LRCH1: variants seen among roughly 807,000 people sequenced by gnomAD.
The protein encoded by LRCH1 is leucine-rich repeat and calponin homology domain-containing protein 1.
Under a neutral mutation model 94.9 loss-of-function variants are expected in LRCH1, and 23 were observed. The observed-to-expected ratio is 0.24, with a 90% CI of 0.17 to 0.34. LRCH1 has a LOEUF of 0.34. Among genes scored for constraint, LRCH1 ranks in the 10% least tolerant of loss-of-function variants. The pLI, the probability that LRCH1 is intolerant of heterozygous loss-of-function variation, is 1.00. For missense variants in LRCH1, 790 were observed against 945.9 expected (o/e 0.84, Z 2.16); for synonymous variants, 364 against 354.9 (o/e 1.03, Z -0.29).
At chr13:46,650,386 A>G in intron 2 of LRCH1, 41 bp downstream of exon 2, 1 of 1,517,352 alleles carries the variant, frequency 6.6e-7, no homozygotes, top group Non-Finnish European at 8.9e-7. Context: ...TCAGTGAAAG[A>G]AATAAAAAAC....
downstream of LRCH1, among the ~76,000 whole-genome samples, chr13:46,745,775 C>G (rs1218092139): frequency 6.6e-6 from 1 of 152,156 alleles, no homozygotes; most frequent in Non-Finnish European, 1.5e-5. Context: ...ATGAAATATG[C>G]TGGTGGGATG....
At chr13:46,635,467 CTTT>C (rs35362550) in intron 1 of LRCH1, among the ~76,000 whole-genome samples, 9 of 96,626 alleles carry the variant, frequency 9.3e-5, no homozygotes, top group African/African-American at 3.0e-4. Context: ...CCCCTCCCAC[CTTT>C]TTTTTTTTTT....
chr13:46,574,321 C>A (rs1011164662), intron 1 of LRCH1, among the ~76,000 whole-genome samples: 2 of 151,756 alleles, frequency 1.3e-5, no homozygotes, highest in African/African-American at 2.4e-5. Flanking sequence ...AATATATATA[C>A]CTACTATGTA....
chr13:46,588,600 T>C (rs1452326509), intron 1 of LRCH1, among the ~76,000 whole-genome samples: 3 of 13,752 alleles, frequency 2.2e-4, no homozygotes, highest in African/African-American at 4.5e-4. Context: ...CTCTGTCTTT[T>C]TTTTTTTTTT....
chr13:46,686,088 A>T (rs1870598987), intron 5 of LRCH1, 47 bp downstream of exon 5: 1 of 1,410,238 alleles, frequency 7.1e-7, no homozygotes, highest in Admixed American at 2.8e-5. Context: ...ATGTGCTGTT[A>T]TAGGAGCCAA....
Position 46,731,451 on chromosome 13 carries a change from G to A in LRCH1, c.2007+2467G>A, listed in dbSNP as rs527942647. Among the ~76,000 whole-genome samples the A allele has an allele frequency of 2.6e-5, 4 of 152,086 alleles. No homozygotes were observed. In the South Asian group the frequency reaches 8.3e-4, roughly 32 times the overall value. ...TCACCATGTTGGCCAGGCTGGTCTC[G>A]AACTCCTGATCTCAAGTAATCTGCC... On this transcript the variant is annotated intron_variant, in intron 18 of 19. Transcript: ENST00000389797.
chr13:46,558,147 G>A (rs147833895), intron 1 of LRCH1, among the ~76,000 whole-genome samples: 69 of 152,306 alleles, frequency 4.5e-4, no homozygotes, highest in Admixed American at 1.0e-3. Flanking sequence ...ATGTGTGAGG[G>A]AAGAGTTCTG....
intron 1 of LRCH1, among the ~76,000 whole-genome samples, chr13:46,558,460 G>A (rs1258561311): frequency 6.6e-6 from 1 of 151,266 alleles, no homozygotes; most frequent in East Asian, 1.9e-4. Context: ...AGTTGGCCGG[G>A]TGTGGTGACT....
chr13:46,742,995 A>C lies in LRCH1; in HGVS notation c.*1147A>C. 1.0e-6 allele frequency: 1 copy of C among 985,160 alleles called. No individual in the cohort carries two copies. 61.0% of individuals were successfully genotyped at this position (985,160 alleles called of 1,614,324 possible). Reference sequence around the variant, plus strand: ...ATGTGATCAGTTTGCATTTAAAAGGAAAAAAAAGAATTTTATCTTAGCCAG... The same window carrying C: ...ATGTGATCAGTTTGCATTTAAAAGGCAAAAAAAGAATTTTATCTTAGCCAG... On this transcript the variant is annotated 3_prime_UTR_variant, in exon 20 of 20. Coordinates refer to ENST00000389797, the MANE Select transcript of LRCH1 (RefSeq NM_001164211.2).
At chr13:46,564,555 G>A (rs1419829638) in intron 1 of LRCH1, among the ~76,000 whole-genome samples, 1 of 152,180 alleles carries the variant, frequency 6.6e-6, no homozygotes, top group Non-Finnish European at 1.5e-5. Context: ...CTCAGCGGCT[G>A]GGAAACAAGG....
exon 19 of LRCH1, chr13:46,750,756 T>G: frequency 1.4e-6 from 1 of 701,958 alleles, no homozygotes; most frequent in South Asian, 1.9e-5. Context: ...GCCTGTCACT[T>G]CACTGACTCC....
At chr13:46,576,083 G>A (rs1375412038) in intron 1 of LRCH1, among the ~76,000 whole-genome samples, 2 of 152,216 alleles carry the variant, frequency 1.3e-5, no homozygotes, top group Admixed American at 6.5e-5. Context: ...TTAAGCACAT[G>A]CTGATTATGG....
At chr13:46,734,522 T>A (rs57261618) in intron 19 of LRCH1, among the ~76,000 whole-genome samples, 15,726 of 152,288 alleles carry the variant, frequency 0.1, 1,561 homozygotes, top group African/African-American at 0.25. Flanking sequence ...TGTGTTGCTT[T>A]ACAGTTTGTT....
At chr13:46,723,034 A>G (rs7319010) in intron 16 of LRCH1, among the ~76,000 whole-genome samples, 187 bp from the exon 17 acceptor site, 141,311 of 152,282 alleles carry the variant, frequency 0.93, 66,052 homozygotes, top group Non-Finnish European at 0.98. Context: ...ACAAACTAGT[A>G]CAATTTAAAA....
chr13:46,630,912 G>C (rs1237909942), intron 1 of LRCH1, among the ~76,000 whole-genome samples: 1 of 152,074 alleles, frequency 6.6e-6, no homozygotes, highest in Non-Finnish European at 1.5e-5. Context: ...TTTGATTTTT[G>C]CAGTCCCACA....
chr13:46,698,179 C>A (rs1034268766), intron 9 of LRCH1, among the ~76,000 whole-genome samples: 2 of 152,226 alleles, frequency 1.3e-5, no homozygotes, highest in South Asian at 4.1e-4. Context: ...TGGGAAAAGT[C>A]TTGTCCTAAC....
chr13:46,712,675 C>G, intron 15 of LRCH1, 78 bp downstream of exon 15: 1 of 1,252,036 alleles, frequency 8.0e-7, no homozygotes, highest in East Asian at 2.3e-5. Flanking sequence ...TATGCATTAT[C>G]AATGTGCACA....
chr13:46,598,470 AC>A (rs1414075748), intron 1 of LRCH1, among the ~76,000 whole-genome samples: 7 of 152,120 alleles, frequency 4.6e-5, no homozygotes, highest in Non-Finnish European at 7.4e-5. Context: ...TCAAGAAAAA[AC>A]AATTCAATTT....
At chr13:46,719,188 A>C (rs993512968) in intron 16 of LRCH1, among the ~76,000 whole-genome samples, 1 of 152,236 alleles carries the variant, frequency 6.6e-6, no homozygotes, top group African/African-American at 2.4e-5. Context: ...TAAGTTTAGG[A>C]GATTATTCAT....
Sources: gnomAD v4.1 joint callset for allele counts (sites outside exome capture counted in the v4.1 genomes callset) on GRCh38, gnomAD v4.1.1 for gene constraint, MANE v1.5 for transcripts, NCBI Gene and HGNC (gene_info 2026-07-23, HGNC 2026-07-21) for gene names.